PABPC4L: variants seen among roughly 807,000 people sequenced by gnomAD.
PABPC4L encodes the protein polyadenylate-binding protein 4-like.
For missense variants in PABPC4L, 452 were observed against 451.4 expected, an observed-to-expected ratio of 1.00 and a Z score of -0.01; for synonymous variants, 169 against 164.1, an observed-to-expected ratio of 1.03 and a Z score of -0.23.
At chr4:133,964,191 C>T in the PABPC4L span, among the ~76,000 whole-genome samples, 2 of 151,940 alleles carry the variant, frequency 1.3e-5, no homozygotes, top group African/African-American at 2.4e-5. Context: ...TACTGTGACA[C>T]CTTTCTGCAC....
chr4:134,089,677 T>G, the PABPC4L span, among the ~76,000 whole-genome samples: 1 of 152,100 alleles, frequency 6.6e-6, no homozygotes, highest in African/African-American at 2.4e-5. Context: ...CATTTTTTTT[T>G]CTCCAGCCAA....
the PABPC4L span, among the ~76,000 whole-genome samples, chr4:134,128,527 G>A: frequency 1.3e-5 from 2 of 152,006 alleles, no homozygotes; most frequent in Non-Finnish European, 2.9e-5. Context: ...ACAATTATCA[G>A]CCAAAAATTT....
At chr4:133,981,579 C>T in the PABPC4L span, among the ~76,000 whole-genome samples, 67 of 152,136 alleles carry the variant, frequency 4.4e-4, no homozygotes, top group Admixed American at 9.8e-4. Context: ...TATAATACTT[C>T]GGTCTGTTGA....
At chr4:133,995,440 T>G in the PABPC4L span, among the ~76,000 whole-genome samples, 5 of 152,166 alleles carry the variant, frequency 3.3e-5, no homozygotes, top group African/African-American at 1.2e-4. Flanking sequence ...TCTGATTGCC[T>G]GCATTGCTTG....
chr4:134,176,611 G>C, the PABPC4L span, among the ~76,000 whole-genome samples: 3 of 152,126 alleles, frequency 2.0e-5, no homozygotes, highest in Non-Finnish European at 4.4e-5. Flanking sequence ...AAACAAAAAG[G>C]CTAGTGAACA....
the PABPC4L span, among the ~76,000 whole-genome samples, chr4:134,091,698 T>C: frequency 6.6e-6 from 1 of 151,832 alleles, no homozygotes; most frequent in South Asian, 2.1e-4. Context: ...AAATAAATTT[T>C]TGAGTTTTTT....
At chr4:134,081,068 T>C in the PABPC4L span, among the ~76,000 whole-genome samples, 1 of 152,190 alleles carries the variant, frequency 6.6e-6, no homozygotes, top group Non-Finnish European at 1.5e-5. Context: ...CCAATACATA[T>C]TTTAAAATGT....
At chr4:134,090,281 G>A in the PABPC4L span, among the ~76,000 whole-genome samples, 1 of 151,978 alleles carries the variant, frequency 6.6e-6, no homozygotes, top group Admixed American at 6.6e-5. Flanking sequence ...ATTGTTTGGT[G>A]TCTTGTGATT....
downstream of PABPC4L, among the ~76,000 whole-genome samples, chr4:134,192,623 T>G (rs1202347452): frequency 1.3e-5 from 2 of 152,122 alleles, no homozygotes; most frequent in Admixed American, 1.3e-4. Flanking sequence ...CCCAAATGTT[T>G]ATTCATGGTG....
the PABPC4L span, among the ~76,000 whole-genome samples, chr4:134,072,995 C>A: frequency 6.6e-6 from 1 of 152,048 alleles, no homozygotes; most frequent in African/African-American, 2.4e-5. Context: ...GATGAGATTT[C>A]GGTGGGGACA....
At chr4:134,011,626 T>C in the PABPC4L span, among the ~76,000 whole-genome samples, 1 of 152,102 alleles carries the variant, frequency 6.6e-6, no homozygotes, top group Non-Finnish European at 1.5e-5. Context: ...ATTATTTTAT[T>C]CTCTCTTTTT....
the PABPC4L span, among the ~76,000 whole-genome samples, chr4:134,115,268 T>C: frequency 1.3e-5 from 2 of 151,828 alleles, no homozygotes; most frequent in African/African-American, 4.8e-5. Flanking sequence ...AGTGATCAAA[T>C]AGTGATGAGG....
At chr4:134,173,715 T>C in the PABPC4L span, among the ~76,000 whole-genome samples, 1 of 152,120 alleles carries the variant, frequency 6.6e-6, no homozygotes, top group Non-Finnish European at 1.5e-5. Context: ...GAAATTGGAA[T>C]GTTTGTAACA....
chr4:133,960,324 G>C, the PABPC4L span, among the ~76,000 whole-genome samples: 1 of 152,122 alleles, frequency 6.6e-6, no homozygotes, highest in Non-Finnish European at 1.5e-5. Context: ...TGAATGTCTG[G>C]CTTGCAGCAC....
chr4:133,951,163 A>T, the PABPC4L span, among the ~76,000 whole-genome samples: 1 of 151,994 alleles, frequency 6.6e-6, no homozygotes, highest in Non-Finnish European at 1.5e-5. Flanking sequence ...GCCATTTATC[A>T]CTCAGGACGA....
At chr4:133,966,067 T>C in the PABPC4L span, among the ~76,000 whole-genome samples, 1 of 152,074 alleles carries the variant, frequency 6.6e-6, no homozygotes, top group Non-Finnish European at 1.5e-5. Context: ...ACAATCTGTA[T>C]ATCTAACAAA....
the PABPC4L span, among the ~76,000 whole-genome samples, chr4:134,181,868 C>T: frequency 6.6e-6 from 1 of 151,428 alleles, no homozygotes; most frequent in South Asian, 2.1e-4. Flanking sequence ...AAATAAAACA[C>T]AGATAACACA....
chr4:133,986,762 G>A, the PABPC4L span, among the ~76,000 whole-genome samples: 26,684 of 150,180 alleles, frequency 0.18, 2,972 homozygotes, highest in Middle Eastern at 0.25. Context: ...TTGAGAGGGA[G>A]TCTTACTCTG....
chr4:134,081,926 TTAA>T, the PABPC4L span, among the ~76,000 whole-genome samples: 3 of 152,092 alleles, frequency 2.0e-5, no homozygotes, highest in Non-Finnish European at 4.4e-5. Flanking sequence ...TTGACAACAC[TTAA>T]TAATAATAGA....
Sources: allele counts gnomAD v4.1 joint callset (sites outside exome capture counted in the v4.1 genomes callset), GRCh38; gene constraint gnomAD v4.1.1; transcripts MANE v1.5; gene names NCBI Gene and HGNC (gene_info 2026-07-23, HGNC 2026-07-21).